The following MYT1L variants were observed in gnomAD, a reference collection of about 807,000 sequenced individuals.
MYT1L encodes myelin transcription factor 1-like protein.
MYT1L carries 12 observed loss-of-function variants against 126.7 expected under a neutral mutation model. The ratio of observed to expected loss-of-function variants is 0.09; its 90% CI spans 0.06 to 0.15. The LOEUF is 0.15. MYT1L is among the 10% of genes least tolerant of loss of function. The probability of loss-of-function intolerance (pLI) is 1.00; values close to 1 mark genes in which losing one functional copy is unlikely to be tolerated. For missense variants in MYT1L, 979 were observed against 1,585.2 expected (o/e 0.62, Z 6.49); for synonymous variants, 541 against 604.2 (o/e 0.90, Z 1.53).
intron 2 of MYT1L, among the ~76,000 whole-genome samples, chr2:2,217,702 ACAAC>A (rs1332282512): frequency 0.01 from 1,162 of 110,706 alleles, 72 homozygotes; most frequent in African/African-American, 0.045. Flanking sequence ...AACAACAACA[ACAAC>A]AAAAAAAAAA....
At chr2:1,817,738 A>C (rs2037906671) in intron 21 of MYT1L, among the ~76,000 whole-genome samples, 1 of 152,128 alleles carries the variant, frequency 6.6e-6, no homozygotes, top group Non-Finnish European at 1.5e-5. Context: ...GCTCTCGGGA[A>C]AGTCCACACA....
At chr2:2,072,878 C>G (rs2074770943) in intron 3 of MYT1L, among the ~76,000 whole-genome samples, 1 of 152,178 alleles carries the variant, frequency 6.6e-6, no homozygotes, top group Admixed American at 6.5e-5. Context: ...CCATGTGGAA[C>G]TGAGTCAATT....
chr2:1,976,440 G>A (rs917762945), intron 8 of MYT1L, among the ~76,000 whole-genome samples: 5 of 152,180 alleles, frequency 3.3e-5, no homozygotes, highest in African/African-American at 4.8e-5. Context: ...TCAGGAGTTC[G>A]AGACCAGCCT....
chr2:2,079,018 A>T (rs2150300932), intron 3 of MYT1L, among the ~76,000 whole-genome samples: 1 of 152,290 alleles, frequency 6.6e-6, no homozygotes, highest in South Asian at 2.1e-4. Flanking sequence ...CCATGTAAGG[A>T]TGCAGTGAGA....
chr2:1,851,170 A>G (rs2043215164), intron 19 of MYT1L, among the ~76,000 whole-genome samples: 1 of 152,184 alleles, frequency 6.6e-6, no homozygotes, highest in Non-Finnish European at 1.5e-5. Context: ...TGGGAGAGAC[A>G]GTGCCTAGAC....
In MYT1L at chr2:1,897,464, G is replaced by T. The variant is rs189739777; in HGVS notation, c.2033-5177C>A. Among the ~76,000 whole-genome samples, 320 of 146,006 alleles carry T rather than the reference G, an allele frequency of 2.2e-3. 4 individuals carry two copies. The East Asian group carries it at 0.035, about 16-fold the overall frequency. ...CGCAAACAAAACTTTTTTTTTTTTTGTTTGTTTGTTTGTTTTGAGATGGAG... is the reference window on the plus strand; with the variant it reads ...CGCAAACAAAACTTTTTTTTTTTTTTTTTGTTTGTTTGTTTTGAGATGGAG... On this transcript the variant is annotated intron_variant, in intron 14 of 24. Coordinates refer to ENST00000647738, the MANE Select transcript of MYT1L (RefSeq NM_001303052.2).
At chr2:2,279,714 T>C (rs2095421531) in intron 2 of MYT1L, among the ~76,000 whole-genome samples, 1 of 152,198 alleles carries the variant, frequency 6.6e-6, no homozygotes, top group African/African-American at 2.4e-5. Flanking sequence ...CCAGGTAGTT[T>C]CGGGTTGAGC....
chr2:2,120,886 G>T (rs576543348), intron 3 of MYT1L, among the ~76,000 whole-genome samples: 3 of 151,832 alleles, frequency 2.0e-5, no homozygotes, highest in African/African-American at 7.3e-5. Context: ...CATTGAGTGC[G>T]CACTGTGTGG....
intron 4 of MYT1L, among the ~76,000 whole-genome samples, chr2:2,024,033 T>C (rs989259598): frequency 2.6e-5 from 4 of 152,234 alleles, no homozygotes; most frequent in Non-Finnish European, 5.9e-5. Context: ...GAAGATATTT[T>C]ACGTTGATTT....
At chr2:2,146,505 G>A (rs982574190) in intron 3 of MYT1L, among the ~76,000 whole-genome samples, 3 of 152,188 alleles carry the variant, frequency 2.0e-5, no homozygotes, top group Non-Finnish European at 4.4e-5. Flanking sequence ...TGGGCTCAGT[G>A]CTGCTGTCTG....
rs1808360 is a variant in MYT1L, at chr2:2,224,711, T to G, written c.-420-51723A>C. On this transcript the variant is annotated intron_variant, in intron 2 of 24. Coordinates refer to ENST00000647738, the MANE Select transcript of MYT1L (RefSeq NM_001303052.2). The surrounding 1 kb of genome is among the most constrained non-coding windows in gnomAD (Gnocchi z 4.0). Reference sequence around the variant, plus strand: ...GCGGGCACCTGTAGTCCCAGCTACTTGGGAAGCTGAGACAGGAGAATGACA... The same window carrying G: ...GCGGGCACCTGTAGTCCCAGCTACTGGGGAAGCTGAGACAGGAGAATGACA... Among the ~76,000 whole-genome samples, 3,181 of 151,748 alleles carry G rather than the reference T, an allele frequency of 0.021. 111 individuals carry two copies. The highest frequency in any genetic ancestry group is 0.073 in the African/African-American group (3,021 of 41,388).
chr2:2,021,851 C>T (rs1234427315), intron 4 of MYT1L, among the ~76,000 whole-genome samples: 4 of 152,146 alleles, frequency 2.6e-5, no homozygotes, highest in South Asian at 4.2e-4. Context: ...GAGCCGAGAT[C>T]GTGCCACTGC....
At chr2:2,238,901 T>G (rs1319750339) in intron 2 of MYT1L, among the ~76,000 whole-genome samples, 4 of 152,150 alleles carry the variant, frequency 2.6e-5, no homozygotes, top group Non-Finnish European at 5.9e-5. Flanking sequence ...TCTCTTGTGA[T>G]GTGGAATAGT....
At chr2:1,813,609 G>A (rs2037071410) in intron 21 of MYT1L, among the ~76,000 whole-genome samples, 3 of 152,142 alleles carry the variant, frequency 2.0e-5, no homozygotes, top group Non-Finnish European at 4.4e-5. Flanking sequence ...TCTCCCAGGA[G>A]CGCAAACGCT....
intron 3 of MYT1L, among the ~76,000 whole-genome samples, chr2:2,117,437 T>C (rs562708719): frequency 5.4e-4 from 82 of 152,238 alleles, no homozygotes; most frequent in Admixed American, 4.2e-3. Context: ...GGGACTTCAG[T>C]GGGCATCGTT....
At chr2:1,951,692 G>C (rs903791664) in intron 8 of MYT1L, among the ~76,000 whole-genome samples, 22 of 152,224 alleles carry the variant, frequency 1.4e-4, no homozygotes, top group African/African-American at 5.1e-4. Context: ...ATGAAGGGTA[G>C]TGCCCATGCT....
rs1433205801 is a variant in MYT1L, at chr2:1,848,116, A to G, written c.2774+3525T>C. Among the ~76,000 whole-genome samples, 1 of 152,132 alleles carries G rather than the reference A, an allele frequency of 6.6e-6. No homozygotes were observed. Among genetic ancestry groups the G allele is most frequent in the Non-Finnish European group, 1.5e-5 (1 of 68,008 alleles). On this transcript the variant is annotated intron_variant, in intron 19 of 24. Transcript: ENST00000647738. This position sits in a 1 kb window ranked among gnomAD's most constrained non-coding sequence, Gnocchi z 4.8. ...GCTAATTCTCAGCGCATCTGTGGAG[A>G]TGGTGGAGGACAGCTCCTCACCCAG...
At chr2:2,068,051 A>T (rs2074093910) in intron 3 of MYT1L, among the ~76,000 whole-genome samples, 1 of 152,102 alleles carries the variant, frequency 6.6e-6, no homozygotes, top group South Asian at 2.1e-4. Context: ...AACATCCTAG[A>T]TGTTTAATTT....
At chr2:2,295,326 G>A (rs2095654966) in intron 1 of MYT1L, among the ~76,000 whole-genome samples, 1 of 152,190 alleles carries the variant, frequency 6.6e-6, no homozygotes, top group Admixed American at 6.5e-5. Flanking sequence ...TGGAACAGGA[G>A]GTCTCCTGAG....
Sources: gnomAD v4.1 joint callset for allele counts (sites outside exome capture counted in the v4.1 genomes callset) on GRCh38, gnomAD v4.1.1 for gene constraint, Gnocchi (gnomAD v3.1) non-coding constraint, MANE v1.5 for transcripts, NCBI Gene and HGNC (gene_info 2026-07-23, HGNC 2026-07-21) for gene names.